ZNF385D: variants seen among roughly 807,000 people sequenced by gnomAD.
ZNF385D encodes zinc finger protein 385D.
ZNF385D carries 15 observed loss-of-function variants against 35.8 expected under a neutral mutation model. That is an observed-to-expected ratio of 0.42 (90% CI 0.28 to 0.64). The LOEUF (loss-of-function observed/expected upper bound fraction) is 0.64, where lower values mean the gene tolerates loss of function less well. Among genes scored for constraint, ZNF385D ranks in the 30% least tolerant of loss-of-function variants. The pLI, the probability that ZNF385D is intolerant of heterozygous loss-of-function variation, is 0.23. For synonymous variants in ZNF385D, 212 were observed against 186.8 expected (o/e 1.13, Z -1.10); for missense variants, 474 against 494.6 (o/e 0.96, Z 0.39).
chr3:22,113,524 T>C (rs1436281668), intron 3 of ZNF385D, among the ~76,000 whole-genome samples: 1 of 152,080 alleles, frequency 6.6e-6, no homozygotes, highest in Non-Finnish European at 1.5e-5. Context: ...ATAATAAACA[T>C]ATTTGTGTAA....
intron 3 of ZNF385D, among the ~76,000 whole-genome samples, chr3:21,960,212 A>ACACACACACACACACT (rs1702511376): frequency 2.0e-5 from 3 of 151,830 alleles, no homozygotes; most frequent in Admixed American, 6.6e-5. Context: ...ATACACACAC[A>ACACACACACACACACT]CACCCTCCCC....
At chr3:21,926,908 A>G (rs1242751776) in intron 3 of ZNF385D, among the ~76,000 whole-genome samples, 4 of 152,132 alleles carry the variant, frequency 2.6e-5, no homozygotes, top group Non-Finnish European at 4.4e-5. Context: ...CCCTCTGACA[A>G]AGGGCTAATA....
chr3:21,927,133 T>C (rs138421895), intron 3 of ZNF385D, among the ~76,000 whole-genome samples: 4 of 152,206 alleles, frequency 2.6e-5, no homozygotes, highest in Non-Finnish European at 5.9e-5. Flanking sequence ...CCCCTCTGTC[T>C]CCTTTCACTG....
chr3:21,600,361 CCATT>C (rs2064248486), intron 2 of ZNF385D, among the ~76,000 whole-genome samples: 2 of 152,028 alleles, frequency 1.3e-5, no homozygotes, highest in Admixed American at 6.6e-5. Flanking sequence ...TGTAATACTC[CCATT>C]ATTAGTGATA....
intron 2 of ZNF385D, among the ~76,000 whole-genome samples, chr3:22,370,737 G>A (rs1412777910): frequency 6.6e-6 from 1 of 152,178 alleles, no homozygotes; most frequent in Non-Finnish European, 1.5e-5. Context: ...AATGGAGATG[G>A]TAACAACGCC....
At chr3:21,963,434 TCTTA>T (rs1413377194) in intron 3 of ZNF385D, among the ~76,000 whole-genome samples, 2 of 152,168 alleles carry the variant, frequency 1.3e-5, no homozygotes, top group Non-Finnish European at 2.9e-5. Context: ...AGAGTTCGCA[TCTTA>T]CTTTATTTAC....
chr3:22,362,280 CATTG>C (rs966794180), intron 2 of ZNF385D, among the ~76,000 whole-genome samples: 3 of 150,842 alleles, frequency 2.0e-5, no homozygotes, highest in South Asian at 2.1e-4. Flanking sequence ...GATTAACTTG[CATTG>C]ATTTTTTTTT....
At position 21,437,030 on chromosome 3, in the gene ZNF385D, A is replaced by G. The variant is rs1221438767; in HGVS notation, c.613T>C (p.Tyr205His). ...ACAGCAACCTTGCATAGCGAACAGTAAAGAAGCCGTTTTGCCTTTTCTTCC... is the reference window on the plus strand; with the variant it reads ...ACAGCAACCTTGCATAGCGAACAGTGAAGAAGCCGTTTTGCCTTTTCTTCC... ...TEEEKAKRLL[Y>H]CSLCKVAVNS... Residue 205 changes from tyrosine to histidine, a missense_variant, in exon 5 of 8, where the codon TAC (tyrosine) becomes CAC (histidine). Physicochemically the swap from Tyr to His is moderately conservative, Grantham distance 83. Coordinates refer to ENST00000281523, the MANE Select transcript of ZNF385D (RefSeq NM_024697.3). 6.2e-7 allele frequency: 1 copy of G among 1,613,894 alleles called. No homozygotes were observed. Among genetic ancestry groups the G allele is most frequent in the Non-Finnish European group, 8.5e-7 (1 of 1,179,910 alleles).
intron 3 of ZNF385D, among the ~76,000 whole-genome samples, chr3:22,016,312 T>C (rs576122707): frequency 1.1e-4 from 16 of 152,160 alleles, no homozygotes; most frequent in African/African-American, 3.4e-4. Flanking sequence ...TCCTCTACCC[T>C]CAGCAAAGAT....
chr3:22,186,079 A>G (rs992178928), intron 2 of ZNF385D, among the ~76,000 whole-genome samples: 3 of 152,144 alleles, frequency 2.0e-5, no homozygotes, highest in Non-Finnish European at 4.4e-5. Context: ...ACTCTTAAAT[A>G]ATGTTTCCAA....
Position 22,050,862 on chromosome 3 carries a change from T to C in ZNF385D, c.325+117955A>G, listed in dbSNP as rs984750127. Among the ~76,000 whole-genome samples, 3 of 134,316 alleles carry C rather than the reference T, an allele frequency of 2.2e-5. 1 individual carries two copies. The highest frequency in any genetic ancestry group is 8.3e-5 in the African/African-American group (3 of 36,228). 88.1% of individuals were successfully genotyped at this position (134,316 alleles called of 152,430 possible). A position where few individuals can be genotyped will look rare whatever the true frequency, so the allele number is the denominator to read the frequency against. ...CTTCACTTTTCTGACCCTTAAAAAT[T>C]CAATGTGTTATAATTTCTGTTCTTT... On this transcript the variant is annotated intron_variant, in intron 3 of 5. Coordinates refer to the ZNF385D transcript ENST00000494108.
rs565311639 is a variant in ZNF385D at position 21,495,238 on chromosome 3, T to C, written c.439+15623A>G. On this transcript the variant is annotated intron_variant, in intron 4 of 7. Coordinates refer to ENST00000281523, the MANE Select transcript of ZNF385D (RefSeq NM_024697.3). The stretch of plus-strand genomic sequence containing the variant: ...AAGGGTAAGAATGATTTTTTTTTTT[T>C]CCCACAAACTCTTCTACTTAATAAG... Among the ~76,000 whole-genome samples, 205 of 151,916 alleles carry C rather than the reference T, an allele frequency of 1.3e-3. 1 individual carries two copies. The highest frequency in any genetic ancestry group is 6.8e-3 in the South Asian group (33 of 4,822).
rs962336208 is a variant in ZNF385D, at chr3:21,751,143, A to G, written c.-227T>C. ...AGAGTGCGCTCGGGCTGCCTGCTGC[A>G]CTGCCCATCCTTACTGTAATCCGAC... On this transcript the variant is annotated 5_prime_UTR_variant, in exon 1 of 8. Coordinates refer to ENST00000281523, the MANE Select transcript of ZNF385D (RefSeq NM_024697.3). 2.4e-5 allele frequency: 35 copies of G among 1,449,106 alleles called. No individual in the cohort carries two copies. The highest frequency in any genetic ancestry group is 3.1e-5 in the Non-Finnish European group (34 of 1,103,194). 89.8% of individuals were successfully genotyped at this position (1,449,106 alleles called of 1,614,324 possible).
chr3:21,577,251 CAT>C (rs1433901343), intron 2 of ZNF385D, among the ~76,000 whole-genome samples: 7 of 152,208 alleles, frequency 4.6e-5, no homozygotes, highest in Non-Finnish European at 8.8e-5. Flanking sequence ...TGAGTGATGA[CAT>C]GTGGTATTTG....
At chr3:22,160,130 T>C (rs978965270) in intron 3 of ZNF385D, among the ~76,000 whole-genome samples, 1 of 152,084 alleles carries the variant, frequency 6.6e-6, no homozygotes, top group African/African-American at 2.4e-5. Flanking sequence ...GTAAGCTTCC[T>C]GAGGCCTCCC....
chr3:22,019,446 G>A (rs1005959979), intron 3 of ZNF385D, among the ~76,000 whole-genome samples: 1 of 151,736 alleles, frequency 6.6e-6, no homozygotes, highest in African/African-American at 2.4e-5. Context: ...TATAGTAATT[G>A]TTAAATTTCT....
chr3:21,630,266 A>C (rs1306559933), intron 2 of ZNF385D, among the ~76,000 whole-genome samples: 1 of 139,638 alleles, frequency 7.2e-6, no homozygotes, highest in Non-Finnish European at 1.5e-5. Flanking sequence ...ACAATGTTGT[A>C]TTCTTGGCAG....
intron 3 of ZNF385D, among the ~76,000 whole-genome samples, chr3:21,895,070 A>G (rs976025297): frequency 6.6e-6 from 1 of 152,036 alleles, no homozygotes; most frequent in African/African-American, 2.4e-5. Flanking sequence ...AGATGGTAAA[A>G]TAAGAATCTG....
At chr3:22,084,078 G>A (rs975683485) in intron 3 of ZNF385D, among the ~76,000 whole-genome samples, 1 of 152,150 alleles carries the variant, frequency 6.6e-6, no homozygotes, top group East Asian at 1.9e-4. Context: ...AGCTCCTGAA[G>A]GAAGCACTAA....
Sources: gnomAD v4.1 joint callset for allele counts (sites outside exome capture counted in the v4.1 genomes callset) on GRCh38, gnomAD v4.1.1 for gene constraint, MANE v1.5 for transcripts, NCBI Gene and HGNC (gene_info 2026-07-23, HGNC 2026-07-21) for gene names.